ZNF131: variants seen among roughly 807,000 people sequenced by gnomAD.
ZNF131 encodes zinc finger protein 131.
A neutral mutation model predicts 60.0 loss-of-function variants in ZNF131; 7 were observed. That is an observed-to-expected ratio of 0.12 (90% confidence interval 0.07 to 0.22). The LOEUF (loss-of-function observed/expected upper bound fraction) is 0.22, where lower values mean the gene tolerates loss of function less well. Ranked by LOEUF, ZNF131 falls within the 10% of genes least tolerant of loss-of-function variation. The pLI is 1.00. For synonymous variants in ZNF131, 257 were observed against 253.2 expected (o/e 1.01, Z -0.14); for missense variants, 493 against 740.9 (o/e 0.67, Z 3.88).
At chr5:43,156,199 C>T (rs997030910) in intron 4 of ZNF131, among the ~76,000 whole-genome samples, 8 of 152,204 alleles carry the variant, frequency 5.3e-5, no homozygotes, top group African/African-American at 1.9e-4. Context: ...CGTCCCTTTC[C>T]TGCTGTGAAC....
chr5:43,126,929 T>C (rs1744627918), intron 3 of ZNF131, among the ~76,000 whole-genome samples: 1 of 152,184 alleles, frequency 6.6e-6, no homozygotes, highest in Non-Finnish European at 1.5e-5. Context: ...TTGGAACTTT[T>C]CTCTGTCTTC....
At chr5:43,153,155 A>G (rs941395912) in intron 4 of ZNF131, among the ~76,000 whole-genome samples, 1 of 152,190 alleles carries the variant, frequency 6.6e-6, no homozygotes, top group African/African-American at 2.4e-5. Flanking sequence ...GCAAGCAGTG[A>G]ATTCAATCAA....
At chr5:43,126,364 C>A (rs541579792) in intron 3 of ZNF131, among the ~76,000 whole-genome samples, 37 of 152,316 alleles carry the variant, frequency 2.4e-4, no homozygotes, top group Non-Finnish European at 4.3e-4. Flanking sequence ...ACTTACTTTT[C>A]AAAACCTTCG....
intron 4 of ZNF131, among the ~76,000 whole-genome samples, chr5:43,143,972 G>C (rs1258903259): frequency 1.6e-5 from 2 of 124,348 alleles, no homozygotes; most frequent in Non-Finnish European, 3.1e-5. Flanking sequence ...CCCAAGACTG[G>C]AATGCAGTGG....
At chr5:43,145,618 A>C (rs1373231824) in intron 4 of ZNF131, among the ~76,000 whole-genome samples, 1 of 152,026 alleles carries the variant, frequency 6.6e-6, no homozygotes. Context: ...GCACCACTGC[A>C]CTCCATCCAG....
Position 43,156,190 on chromosome 5 carries a change from G to A in ZNF131, c.372-5059G>A, listed in dbSNP as rs77467322. On this transcript the variant is annotated intron_variant, in intron 4 of 6. Transcript: ENST00000682664. ...AGCCGTACCACAAGGTCAGGATAGC[G>A]TCCCTTTCCTGCTGTGAACCATGCC... Among the ~76,000 whole-genome samples the A allele has an allele frequency of 5.0e-3, 756 of 152,268 alleles. 7 individuals carry two copies. Among genetic ancestry groups the A allele is most frequent in the African/African-American group, 0.017 (725 of 41,542 alleles).
chr5:43,167,139 T>C (rs757028089), intron 5 of ZNF131, among the ~76,000 whole-genome samples: 8 of 152,240 alleles, frequency 5.3e-5, no homozygotes, highest in Non-Finnish European at 1.0e-4. Flanking sequence ...CTCTTTGTTA[T>C]GGGTGTGGGT....
intron 4 of ZNF131, among the ~76,000 whole-genome samples, chr5:43,143,026 C>CTTT (rs148965036): frequency 1.5e-5 from 2 of 136,752 alleles, no homozygotes; most frequent in African/African-American, 2.7e-5. Flanking sequence ...ATCTTTCAAG[C>CTTT]TTTTTTTTTT....
intron 4 of ZNF131, among the ~76,000 whole-genome samples, chr5:43,156,064 C>A (rs987155647): frequency 6.6e-6 from 1 of 152,208 alleles, no homozygotes; most frequent in Admixed American, 6.5e-5. Context: ...CTTTTCTTCC[C>A]AGTTGGGGTG....
chr5:43,130,363 G>A (rs1156428475), intron 3 of ZNF131, among the ~76,000 whole-genome samples: 1 of 151,694 alleles, frequency 6.6e-6, no homozygotes, highest in African/African-American at 2.4e-5. Flanking sequence ...TGGTGGTGAG[G>A]GAGAGAAAGA....
At chr5:43,122,788 A>G (rs145907910) in intron 2 of ZNF131, among the ~76,000 whole-genome samples, 1 of 152,242 alleles carries the variant, frequency 6.6e-6, no homozygotes, top group Non-Finnish European at 1.5e-5. Flanking sequence ...TATTAGGCAT[A>G]TTAAAATGTT....
chr5:43,131,985 G>C (rs1012015397), intron 3 of ZNF131, among the ~76,000 whole-genome samples: 18 of 150,994 alleles, frequency 1.2e-4, no homozygotes, highest in African/African-American at 4.3e-4. Context: ...CCATCTGGTT[G>C]TTATCACTTC....
At chr5:43,154,281 G>A (rs1238462601) in intron 4 of ZNF131, among the ~76,000 whole-genome samples, 1 of 152,138 alleles carries the variant, frequency 6.6e-6, no homozygotes, top group Non-Finnish European at 1.5e-5. Context: ...AGGCGTGGTG[G>A]CGTGCACCTG....
intron 4 of ZNF131, among the ~76,000 whole-genome samples, chr5:43,153,489 A>G (rs112610228): frequency 0.034 from 4,416 of 128,850 alleles, 297 homozygotes; most frequent in African/African-American, 0.12. Context: ...AAAAAAAAAA[A>G]GCAAAATTAG....
intron 2 of ZNF131, among the ~76,000 whole-genome samples, chr5:43,122,888 G>A (rs757343510): frequency 6.6e-6 from 1 of 152,054 alleles, no homozygotes; most frequent in Non-Finnish European, 1.5e-5. Context: ...CTTTTATTTA[G>A]CAGTTTCAAC....
intron 4 of ZNF131, among the ~76,000 whole-genome samples, chr5:43,144,237 CTTTTTTTTTTTTTTTT>C (rs935655531): frequency 5.1e-4 from 33 of 65,320 alleles, no homozygotes; most frequent in African/African-American, 1.3e-3. Flanking sequence ...TTCTTTCTTT[CTTTTTTTTTTTTTTTT>C]TTTTTTTTTT....
intron 4 of ZNF131, among the ~76,000 whole-genome samples, chr5:43,157,146 A>G (rs574050008): frequency 6.6e-6 from 1 of 152,304 alleles, no homozygotes; most frequent in Admixed American, 6.5e-5. Flanking sequence ...GAGGGCCCTT[A>G]TAGAAGCCAA....
chr5:43,125,788 A>G (rs1744473148), intron 3 of ZNF131, among the ~76,000 whole-genome samples: 2 of 152,040 alleles, frequency 1.3e-5, no homozygotes, highest in Admixed American at 6.6e-5. Context: ...CTCAAAGAAA[A>G]AAAAAAGGAA....
chr5:43,123,438 A>G, intron 3 of ZNF131, 128 bp downstream of exon 3: 1 of 686,788 alleles, frequency 1.5e-6, no homozygotes, highest in East Asian at 3.0e-5. Context: ...AAGACACCAT[A>G]GGAAATAGGC....
Sources: gnomAD v4.1 joint callset for allele counts (sites outside exome capture counted in the v4.1 genomes callset) on GRCh38, gnomAD v4.1.1 for gene constraint, MANE v1.5 for transcripts, NCBI Gene and HGNC (gene_info 2026-07-23, HGNC 2026-07-21) for gene names.